Variants in MICALL2 observed in about 807,000 individuals in gnomAD.
MICALL2 encodes the protein MICAL like 2.
In MICALL2, 111 loss-of-function variants were observed where a neutral mutation model predicts 91.1. That is an observed-to-expected ratio of 1.22 (90% CI 1.04 to 1.43). The LOEUF (loss-of-function observed/expected upper bound fraction) is 1.43, where lower values mean the gene tolerates loss of function less well. MICALL2 is among the 40% of genes most tolerant of loss of function. The probability of loss-of-function intolerance (pLI) is 0.00; values close to 1 mark genes in which losing one functional copy is unlikely to be tolerated. For synonymous variants in MICALL2, 694 were observed against 525.3 expected, an observed-to-expected ratio of 1.32 and a Z score of -4.39; for missense variants, 1,556 against 1,236.0, an observed-to-expected ratio of 1.26 and a Z score of -3.88.
chr7:1,456,357 A>G (rs1781015984), intron 1 of MICALL2, among the ~76,000 whole-genome samples: 1 of 152,208 alleles, frequency 6.6e-6, no homozygotes, highest in Non-Finnish European at 1.5e-5. Context: ...TGAAGAGGGC[A>G]GATGGATCAC....
rs147648816 is a variant in MICALL2 at position 1,438,851 on chromosome 7, T to A, written c.2111A>T (p.Gln704Leu). The change falls in exon 10 of 17, where the codon CAG (glutamine) becomes CTG (leucine). Residue 704 changes from glutamine (Q) to leucine (L), a missense_variant. By Grantham distance (113) the Gln-to-Leu change is moderately radical. Coordinates refer to ENST00000297508, the MANE Select transcript of MICALL2 (RefSeq NM_182924.4). ...WKEEEKKPHL[Q>L]GKPGRPLSPA... is the part of the protein sequence containing the mutation. ...TCTCTGGGGCTGACCTGGTTTGCCC[T>A]GAAGGTGAGGTTTCTTCTCCTCCTC... 3.9e-4 allele frequency: 628 copies of A among 1,606,228 alleles called. 3 individuals carry two copies. The African/African-American group carries it at 7.5e-3, about 19-fold the overall frequency.
chr7:1,450,669 A>G, intron 1 of MICALL2: 1 of 200,920 alleles, frequency 5.0e-6, no homozygotes, highest in Non-Finnish European at 1.0e-5. Context: ...ACGCTTGGTG[A>G]CCAGGTGGGT....
At chr7:1,435,552 C>T (rs866847796) in intron 15 of MICALL2, among the ~76,000 whole-genome samples, 17 of 152,336 alleles carry the variant, frequency 1.1e-4, no homozygotes, top group Admixed American at 7.8e-4. Flanking sequence ...GCCGACCACA[C>T]CAGTGACCTG....
Position 1,437,042 on chromosome 7 carries a change from CGT to C in MICALL2, c.2477-188_2477-187del, listed in dbSNP as rs141281690. 1.6e-3 allele frequency: 799 copies of C among 512,858 alleles called. 5 individuals carry two copies. Among genetic ancestry groups the C allele is most frequent in the African/African-American group, 0.014 (681 of 49,840 alleles). The allele number at this position is 512,858 out of a possible 1,614,324, so 31.8% of individuals were successfully genotyped here. ...AGGAAGGAACGGCCACGTCAGAGCC[CGT>C]GTGCTGGGATCCTTCCCCATCATCT... On this transcript the variant is annotated intron_variant, in intron 14 of 16. Coordinates refer to ENST00000297508, the MANE Select transcript of MICALL2 (RefSeq NM_182924.4).
rs1389827362 is a variant in MICALL2, at chr7:1,445,146, G to A, written c.924C>T (p.Ala308=). The stretch of plus-strand genomic sequence containing the variant: ...TCACGTGGACGGACGTGGCGCTGGT[G>A]GCTGCAGGGTTGGGTGCAGCTGGAA... ...ASVPAAPNPA[A]TSATSVHVRS... The change falls in exon 6 of 17, where the codon GCC becomes GCT. Residue 308 remains alanine, a synonymous_variant. Coordinates refer to ENST00000297508, the MANE Select transcript of MICALL2 (RefSeq NM_182924.4). The A allele has an allele frequency of 3.8e-6, 6 of 1,571,078 alleles. No individual in the cohort carries two copies. Among genetic ancestry groups the A allele is most frequent in the African/African-American group, 1.4e-5 (1 of 73,904 alleles).
intron 9 of MICALL2, chr7:1,439,307 A>C: frequency 2.7e-6 from 1 of 372,146 alleles, no homozygotes; most frequent in Non-Finnish European, 4.9e-6. Flanking sequence ...GTGCACACAC[A>C]CGCATCACAC....
Position 1,440,681 on chromosome 7 carries a change from A to C in MICALL2, c.1715T>G (p.Met572Arg), listed in dbSNP as rs773222447. Residue 572 changes from methionine to arginine, a missense_variant, in exon 8 of 17, where the codon ATG becomes AGG. Met to Arg is a moderately conservative substitution (Grantham distance 91). Coordinates refer to ENST00000297508, the MANE Select transcript of MICALL2 (RefSeq NM_182924.4). ...KGKSTTLTQD[M>R]STSLQEGQED... ...CTGGCCTTCCTGGAGGCTGGTGCTCATGTCTGGGTGGGAGGCAAGGGGTCT... is the reference window on the plus strand; with the variant it reads ...CTGGCCTTCCTGGAGGCTGGTGCTCCTGTCTGGGTGGGAGGCAAGGGGTCT... The C allele has an allele frequency of 3.7e-6, 6 of 1,610,408 alleles. No homozygotes were observed. The highest frequency in any genetic ancestry group is 1.3e-5 in the African/African-American group (1 of 74,596).
rs1237142268 is a variant in MICALL2, at chr7:1,445,311, C to T, written c.759G>A (p.Thr253=). 9.3e-6 allele frequency: 15 copies of T among 1,611,434 alleles called. No individual in the cohort carries two copies. Among genetic ancestry groups the T allele is most frequent in the Admixed American group, 3.3e-5 (2 of 59,942 alleles). ...CCCCTGGCTGTCGGGGGACCAGACC[C>T]GTCAACTTGGGGCTTGCAGAGGCGG... is the stretch of plus-strand genomic sequence containing the variant. ...PAAASASPKL[T]GLVPRQPGAM... is the part of the protein sequence containing the mutation. The change falls in exon 6 of 17, where the codon ACG becomes ACA. Residue 253 remains threonine, a synonymous_variant. Transcript: ENST00000297508.
Position 1,442,412 on chromosome 7 carries a change from G to T in MICALL2, c.1491C>A (p.Ala497=). Residue 497 remains alanine (A), a synonymous_variant, in exon 7 of 17, where the codon GCC becomes GCA. Transcript: ENST00000297508. ...KTEAPQASPL[A]KPLQSSSPRV... ...GGGGAGACGAGGACTGTAACGGCTTGGCTAAGGGACTTGCTTGTGGTGCTT... is the reference window on the plus strand; with the variant it reads ...GGGGAGACGAGGACTGTAACGGCTTTGCTAAGGGACTTGCTTGTGGTGCTT... 6.3e-7 allele frequency: 1 copy of T among 1,588,950 alleles called. No individual in the cohort carries two copies. The highest frequency in any genetic ancestry group is 8.6e-7 in the Non-Finnish European group (1 of 1,166,158).
At chr7:1,437,201 G>A (rs769227366) in intron 14 of MICALL2, 13 of 489,548 alleles carry the variant, frequency 2.7e-5, no homozygotes, top group African/African-American at 6.2e-5. Flanking sequence ...CCTGCATCAC[G>A]AGACAAATGC....
At chr7:1,435,309 C>T (rs896078159) in intron 15 of MICALL2, among the ~76,000 whole-genome samples, 162 bp from the exon 16 acceptor site, 2 of 152,258 alleles carry the variant, frequency 1.3e-5, no homozygotes, top group African/African-American at 4.8e-5. Context: ...AACCCTGCCC[C>T]CACCAATGCC....
chr7:1,455,966 C>T (rs746099635), intron 1 of MICALL2, among the ~76,000 whole-genome samples: 9 of 151,948 alleles, frequency 5.9e-5, no homozygotes, highest in Non-Finnish European at 1.3e-4. Flanking sequence ...GTCCCTCACA[C>T]GCGTTTCCTC....
Position 1,451,138 on chromosome 7 carries a change from C to T in MICALL2, c.144-850G>A, listed in dbSNP as rs560072744. On this transcript the variant is annotated intron_variant, in intron 1 of 16. Transcript: ENST00000297508. The surrounding 1 kb of genome is among the most constrained non-coding windows in gnomAD (Gnocchi z 4.5). ...GGGATGCAAGGGTCCCGGGAAGTTC[C>T]CGAGGTGAGGTCCCCGGCCAGCCTG... Among the ~76,000 whole-genome samples the T allele has an allele frequency of 7.0e-4, 107 of 152,272 alleles. No homozygotes were observed. The highest frequency in any genetic ancestry group is 2.4e-3 in the African/African-American group (99 of 41,556).
chr7:1,438,856 G>A lies in MICALL2; in HGVS notation c.2106C>T (p.His702=), dbSNP rs1015191240. 22 of 1,607,342 alleles carry A rather than the reference G, an allele frequency of 1.4e-5. No individual in the cohort carries two copies. Among genetic ancestry groups the A allele is most frequent in the African/African-American group, 2.7e-5 (2 of 74,850 alleles). ...GGGGCTGACCTGGTTTGCCCTGAAG[G>A]TGAGGTTTCTTCTCCTCCTCCTTCC... The part of the protein sequence containing the change: ...QSWKEEEKKP[H]LQGKPGRPLS... The change falls in exon 10 of 17, where the codon CAC becomes CAT. Residue 702 remains histidine, a synonymous_variant. Transcript: ENST00000297508.
At chr7:1,453,284 G>A (rs1022578819) in intron 1 of MICALL2, among the ~76,000 whole-genome samples, 7 of 152,178 alleles carry the variant, frequency 4.6e-5, no homozygotes, top group East Asian at 1.9e-4. Context: ...GGTTCTTTGC[G>A]GGGAGCCCTG....
rs778917533 is a variant in MICALL2 at position 1,438,855 on chromosome 7, G to C, written c.2107C>G (p.Leu703Val). Residue 703 changes from leucine (L) to valine (V), a missense_variant, in exon 10 of 17, where the codon CTT becomes GTT. Transcript: ENST00000297508. ...TGGGGCTGACCTGGTTTGCCCTGAA[G>C]GTGAGGTTTCTTCTCCTCCTCCTTC... ...SWKEEEKKPH[L>V]QGKPGRPLSP... The C allele has an allele frequency of 1.2e-6, 2 of 1,607,392 alleles. No individual in the cohort carries two copies. The highest frequency in any genetic ancestry group is 2.2e-5 in the East Asian group (1 of 44,760).
chr7:1,451,099 C>T lies in MICALL2; in HGVS notation c.144-811G>A, dbSNP rs1780810331. ...AGGGCCCAGCCTCACCCCTGACTCG[C>T]ACACTACACCACAGGGATGCAAGGG... On this transcript the variant is annotated intron_variant, in intron 1 of 16. Coordinates refer to ENST00000297508, the MANE Select transcript of MICALL2 (RefSeq NM_182924.4). This position sits in a 1 kb window ranked among gnomAD's most constrained non-coding sequence, Gnocchi z 4.5. Among the ~76,000 whole-genome samples, 3 of 152,166 alleles carry T rather than the reference C, an allele frequency of 2.0e-5. No individual in the cohort carries two copies. Among genetic ancestry groups the T allele is most frequent in the Non-Finnish European group, 1.5e-5 (1 of 68,016 alleles).
intron 14 of MICALL2, 36 bp downstream of exon 14, chr7:1,437,499 G>A: frequency 6.7e-7 from 1 of 1,499,730 alleles, no homozygotes; most frequent in Non-Finnish European, 8.8e-7. Flanking sequence ...CGGCATCCCT[G>A]GCTGGGGCCC....
At chr7:1,449,669 G>C (rs568328154) in intron 2 of MICALL2, among the ~76,000 whole-genome samples, 1 of 152,382 alleles carries the variant, frequency 6.6e-6, no homozygotes, top group African/African-American at 2.4e-5. Context: ...ACGTGGCCGG[G>C]GCCTGCCTGG....
Sources: allele counts gnomAD v4.1 joint callset (sites outside exome capture counted in the v4.1 genomes callset), GRCh38; gene constraint gnomAD v4.1.1; non-coding constraint Gnocchi (gnomAD v3.1); transcripts MANE v1.5; gene names NCBI Gene and HGNC (gene_info 2026-07-23, HGNC 2026-07-21).